Variants in DOP1B observed in about 807,000 individuals in gnomAD.
DOP1B encodes the protein protein DOP1B.
In DOP1B, 174 loss-of-function variants were observed where a neutral mutation model predicts 233.5. That is an observed-to-expected ratio of 0.75 (90% CI 0.66 to 0.85). DOP1B has a LOEUF of 0.85. Among genes scored for constraint, DOP1B ranks in the 40% least tolerant of loss-of-function variants. DOP1B has a pLI of 0.00. For missense variants in DOP1B, 2,652 were observed against 2,846.6 expected (o/e 0.93, Z 1.56); for synonymous variants, 1,190 against 1,185.6 (o/e 1.00, Z -0.08).
chr21:36,283,533 C>T lies in DOP1B; in HGVS notation c.6160+1922C>T, dbSNP rs150569982. 2.3e-3 allele frequency among the ~76,000 whole-genome samples: 357 copies of T among 152,284 alleles called. 1 individual carries two copies. Among genetic ancestry groups the T allele is most frequent in the Non-Finnish European group, 3.8e-3 (260 of 68,020 alleles). On this transcript the variant is annotated intron_variant, in intron 32 of 36. Coordinates refer to ENST00000691173, the MANE Select transcript of DOP1B (RefSeq NM_001320714.2). The stretch of plus-strand genomic sequence containing the variant: ...GATTTTTACCTTGTAATATCTTGAA[C>T]ACTTAAGAAACATGAAAGAAAACTT...
chr21:36,291,229 C>A (rs1476770081), intron 35 of DOP1B, among the ~76,000 whole-genome samples: 1 of 151,966 alleles, frequency 6.6e-6, no homozygotes, highest in Non-Finnish European at 1.5e-5. Flanking sequence ...CCACTGCACT[C>A]CAGCCTGGGC....
chr21:36,174,832 A>G (rs1321926118), intron 2 of DOP1B, among the ~76,000 whole-genome samples: 1 of 151,434 alleles, frequency 6.6e-6, no homozygotes, highest in Non-Finnish European at 1.5e-5. Flanking sequence ...GCCTGAATCA[A>G]CTCCTCTTCC....
chr21:36,284,168 T>TCAAA (rs2067453190), intron 32 of DOP1B, among the ~76,000 whole-genome samples: 1 of 151,756 alleles, frequency 6.6e-6, no homozygotes, highest in South Asian at 2.1e-4. Flanking sequence ...CAGGCTGATT[T>TCAAA]CAAACTCCTG....
At chr21:36,159,453 A>C (rs1568990820) in intron 1 of DOP1B, among the ~76,000 whole-genome samples, 1 of 152,178 alleles carries the variant, frequency 6.6e-6, no homozygotes, top group South Asian at 2.1e-4. Context: ...CTCCATCTCA[A>C]AAAAAAAGAA....
At chr21:36,185,523 T>G (rs1029409286) in intron 2 of DOP1B, among the ~76,000 whole-genome samples, 2 of 152,198 alleles carry the variant, frequency 1.3e-5, no homozygotes, top group Non-Finnish European at 2.9e-5. Flanking sequence ...CTTCTACTGA[T>G]GAAGAAACTG....
At chr21:36,163,497 G>A (rs76846481) in intron 1 of DOP1B, among the ~76,000 whole-genome samples, 2,088 of 152,270 alleles carry the variant, frequency 0.014, 47 homozygotes, top group African/African-American at 0.047. Flanking sequence ...AGAACGTGTT[G>A]TACCTTCAGT....
intron 22 of DOP1B, among the ~76,000 whole-genome samples, chr21:36,252,594 A>T: frequency 6.6e-6 from 1 of 151,440 alleles, no homozygotes; most frequent in East Asian, 1.9e-4. Context: ...GCTCACTGCA[A>T]CCTCTGCCTC....
intron 12 of DOP1B, 25 bp downstream of exon 12, chr21:36,225,692 C>G: frequency 6.2e-7 from 1 of 1,609,710 alleles, no homozygotes; most frequent in Non-Finnish European, 8.5e-7. Flanking sequence ...AGGGACATCT[C>G]AACGCCTGCT....
intron 27 of DOP1B, among the ~76,000 whole-genome samples, chr21:36,274,740 G>T (rs927087846): frequency 2.6e-5 from 4 of 152,126 alleles, no homozygotes; most frequent in African/African-American, 9.7e-5. Context: ...AAGAGGATGG[G>T]AATGGAGCAA....
At chr21:36,264,899 G>T (rs1004490384) in intron 26 of DOP1B, among the ~76,000 whole-genome samples, 3 of 152,214 alleles carry the variant, frequency 2.0e-5, no homozygotes, top group African/African-American at 7.2e-5. Context: ...AGAGTGGAAT[G>T]CCAACTAATA....
chr21:36,225,502 A>C lies in DOP1B; in HGVS notation c.1371-63A>C, dbSNP rs1403382896. Reference sequence around the variant, plus strand: ...CATCTCGGCCTCCCAAAGTGTTAAGATTATAGGTGTGAGCCTCCATGCCTG... The same window carrying C: ...CATCTCGGCCTCCCAAAGTGTTAAGCTTATAGGTGTGAGCCTCCATGCCTG... On this transcript the variant is annotated intron_variant, in intron 11 of 36. Coordinates refer to ENST00000691173, the MANE Select transcript of DOP1B (RefSeq NM_001320714.2). 8 of 1,585,458 alleles carry C rather than the reference A, an allele frequency of 5.0e-6. 1 individual carries two copies. The highest frequency in any genetic ancestry group is 5.2e-6 in the Non-Finnish European group (6 of 1,156,014).
At position 36,293,979 on chromosome 21, in the gene DOP1B, C is replaced by CAA. The variant is rs56362056; in HGVS notation, c.*421_*422dup. 2.8e-4 allele frequency: 37 copies of CAA among 132,928 alleles called. No homozygotes were observed. Among genetic ancestry groups the CAA allele is most frequent in the South Asian group, 8.9e-4 (4 of 4,474 alleles). 8.2% of individuals were successfully genotyped at this position (132,928 alleles called of 1,614,324 possible). On this transcript the variant is annotated 3_prime_UTR_variant, in exon 37 of 37. Transcript: ENST00000691173. ...CTGTGTGACAGAATGAGACCATCTC[C>CAA]AAAAAAAAAAAAAAGTAGATTTCAG... is the stretch of plus-strand genomic sequence containing the variant.
At chr21:36,242,151 C>CATTATTATTATTATTATTATTATT (rs78154894) in intron 18 of DOP1B, among the ~76,000 whole-genome samples, 27 of 143,960 alleles carry the variant, frequency 1.9e-4, no homozygotes, top group Non-Finnish European at 7.5e-5. Flanking sequence ...GTTCCTTGGG[C>CATTATTATTATTATTATTATTATT]ATTATTATTA....
chr21:36,244,154 GC>G (rs1435762987), intron 18 of DOP1B, among the ~76,000 whole-genome samples: 16 of 147,024 alleles, frequency 1.1e-4, no homozygotes, highest in Non-Finnish European at 1.6e-4. Context: ...AGTCTCCCAC[GC>G]TGGGACTATG....
chr21:36,249,385 G>A (rs1317872263), intron 21 of DOP1B, among the ~76,000 whole-genome samples: 4 of 152,162 alleles, frequency 2.6e-5, no homozygotes, highest in African/African-American at 9.7e-5. Flanking sequence ...CTGAGATCAC[G>A]CCAGTGCACT....
chr21:36,274,442 C>T (rs62232378), intron 27 of DOP1B, among the ~76,000 whole-genome samples: 33,679 of 152,010 alleles, frequency 0.22, 4,135 homozygotes, highest in Middle Eastern at 0.3. Context: ...AAAAACATTT[C>T]GTAGAGAAAA....
At chr21:36,199,835 A>G (rs1057269626) in intron 3 of DOP1B, among the ~76,000 whole-genome samples, 1 of 152,178 alleles carries the variant, frequency 6.6e-6, no homozygotes, top group Non-Finnish European at 1.5e-5. Context: ...CCAGTCTATC[A>G]TCGATGGACA....
chr21:36,166,989 T>G (rs546593620), intron 2 of DOP1B, among the ~76,000 whole-genome samples: 1 of 152,336 alleles, frequency 6.6e-6, no homozygotes, highest in East Asian at 1.9e-4. Context: ...TCTTTGGTTT[T>G]ACAGCTCTAT....
chr21:36,219,651 C>T (rs1292041974), intron 10 of DOP1B, among the ~76,000 whole-genome samples, 159 bp downstream of exon 10: 1 of 152,012 alleles, frequency 6.6e-6, no homozygotes, highest in Admixed American at 6.6e-5. Flanking sequence ...TGAAGTCAGT[C>T]CATGGGAATT....
Sources: allele counts gnomAD v4.1 joint callset (sites outside exome capture counted in the v4.1 genomes callset), GRCh38; gene constraint gnomAD v4.1.1; transcripts MANE v1.5; gene names NCBI Gene and HGNC (gene_info 2026-07-23, HGNC 2026-07-21).